TRHDE: variants seen among roughly 807,000 people sequenced by gnomAD.
TRHDE encodes the protein thyrotropin-releasing hormone-degrading ectoenzyme.
A neutral mutation model predicts 125.7 loss-of-function variants in TRHDE; 72 were observed. The ratio of observed to expected loss-of-function variants is 0.57; its 90% CI spans 0.47 to 0.70. The LOEUF is 0.70. TRHDE is among the 30% of genes least tolerant of loss of function. The pLI is 0.00. For missense variants in TRHDE, 1,110 were observed against 1,327.1 expected (o/e 0.84, Z 2.54); for synonymous variants, 509 against 509.1 (o/e 1.00, Z 0.00).
intron 5 of TRHDE, among the ~76,000 whole-genome samples, chr12:72,489,765 T>A (rs1359975244): frequency 6.6e-6 from 1 of 151,628 alleles, no homozygotes; most frequent in Admixed American, 6.6e-5. Flanking sequence ...CTTTAATACA[T>A]GGTGCTGAGA....
chr12:72,637,820 G>A (rs1282012689), intron 15 of TRHDE, among the ~76,000 whole-genome samples: 3 of 151,870 alleles, frequency 2.0e-5, no homozygotes, highest in Non-Finnish European at 4.4e-5. Flanking sequence ...GGTTTTGAGT[G>A]AGATTCTTAA....
chr12:72,441,276 A>G (rs1025174628), intron 3 of TRHDE, among the ~76,000 whole-genome samples: 7 of 151,880 alleles, frequency 4.6e-5, no homozygotes, highest in Non-Finnish European at 8.8e-5. Context: ...TTGCCTTTTT[A>G]TCATGGAAGT....
At chr12:72,502,487 C>T (rs940971571) in intron 6 of TRHDE, among the ~76,000 whole-genome samples, 7 of 151,956 alleles carry the variant, frequency 4.6e-5, no homozygotes, top group Non-Finnish European at 1.0e-4. Context: ...TTATTCATTT[C>T]TTATTTAATT....
intron 2 of TRHDE, among the ~76,000 whole-genome samples, chr12:72,195,032 G>A (rs1877411969): frequency 6.6e-6 from 1 of 152,048 alleles, no homozygotes; most frequent in African/African-American, 2.4e-5. Context: ...CAATCATGGT[G>A]GAAGGGGAAG....
At chr12:72,305,194 A>C (rs1868322001) in intron 2 of TRHDE, among the ~76,000 whole-genome samples, 1 of 152,204 alleles carries the variant, frequency 6.6e-6, no homozygotes, top group Non-Finnish European at 1.5e-5. Context: ...TTAAAATCCC[A>C]ACAGTAACAG....
chr12:72,383,865 A>G (rs1226281729), intron 3 of TRHDE, among the ~76,000 whole-genome samples: 1 of 152,092 alleles, frequency 6.6e-6, no homozygotes, highest in African/African-American at 2.4e-5. Flanking sequence ...GCTGAAATGG[A>G]TTCCAGAAAT....
At chr12:72,294,161 T>C (rs1456401293) in intron 2 of TRHDE, among the ~76,000 whole-genome samples, 1 of 152,138 alleles carries the variant, frequency 6.6e-6, no homozygotes, top group Non-Finnish European at 1.5e-5. Flanking sequence ...CTTCTTTCCT[T>C]CTCTTTTCCC....
chr12:72,509,892 A>G (rs967585648), intron 6 of TRHDE, among the ~76,000 whole-genome samples: 1 of 152,236 alleles, frequency 6.6e-6, no homozygotes, highest in African/African-American at 2.4e-5. Flanking sequence ...TTCAGAGGGA[A>G]AGATCCCATC....
chr12:72,206,743 G>A (rs11834244), intron 2 of TRHDE, among the ~76,000 whole-genome samples: 5,873 of 151,814 alleles, frequency 0.039, 248 homozygotes, highest in African/African-American at 0.099. Flanking sequence ...TTTTAAAAAA[G>A]AAAATTAATA....
intron 15 of TRHDE, among the ~76,000 whole-genome samples, chr12:72,622,295 TTTAA>T (rs1873085074): frequency 6.6e-6 from 1 of 152,112 alleles, no homozygotes; most frequent in South Asian, 2.1e-4. Flanking sequence ...GTTAAAATTG[TTTAA>T]TTAAATTACT....
chr12:72,307,176 T>G (rs1868354141), intron 2 of TRHDE, among the ~76,000 whole-genome samples: 1 of 152,072 alleles, frequency 6.6e-6, no homozygotes, highest in African/African-American at 2.4e-5. Flanking sequence ...TAGATGAGTT[T>G]TCCTCTGTCG....
In TRHDE at chr12:72,398,296, G is replaced by A. The variant is rs552386471; in HGVS notation, c.1315+20175G>A. On this transcript the variant is annotated intron_variant, in intron 3 of 18. Coordinates refer to ENST00000261180, the MANE Select transcript of TRHDE (RefSeq NM_013381.3). Reference sequence around the variant, plus strand: ...GTGAATAATGCTGCAATAAACATACGTGTGCATGTGTCTTTATAGCAGCAT... The same window carrying A: ...GTGAATAATGCTGCAATAAACATACATGTGCATGTGTCTTTATAGCAGCAT... Among the ~76,000 whole-genome samples the A allele has an allele frequency of 2.7e-4, 41 of 152,092 alleles. No homozygotes were observed. The East Asian group carries it at 4.2e-3, about 16-fold the overall frequency.
intron 3 of TRHDE, among the ~76,000 whole-genome samples, chr12:72,448,046 G>A (rs944070771): frequency 6.6e-6 from 1 of 152,010 alleles, no homozygotes; most frequent in African/African-American, 2.4e-5. Flanking sequence ...ATCAAAAATG[G>A]TGTTTCATAA....
intron 5 of TRHDE, among the ~76,000 whole-genome samples, chr12:72,489,212 G>A (rs1877547340): frequency 6.9e-6 from 1 of 145,552 alleles, no homozygotes; most frequent in Admixed American, 6.8e-5. Flanking sequence ...AAGACTTAGA[G>A]ATTTTTTTTG....
intron 6 of TRHDE, among the ~76,000 whole-genome samples, chr12:72,529,891 A>G (rs917922528): frequency 7.9e-5 from 12 of 152,142 alleles, no homozygotes; most frequent in African/African-American, 2.7e-4. Context: ...AAACAAATCA[A>G]TGTTCTTACG....
chr12:72,533,319 T>C (rs1248427312), intron 6 of TRHDE, among the ~76,000 whole-genome samples: 2 of 151,866 alleles, frequency 1.3e-5, no homozygotes. Flanking sequence ...GAACTACAGG[T>C]GTGCACCACC....
At chr12:72,457,129 A>G (rs191018501) in intron 3 of TRHDE, among the ~76,000 whole-genome samples, 89 of 152,288 alleles carry the variant, frequency 5.8e-4, no homozygotes, top group African/African-American at 2.1e-3. Context: ...TCTTCATGAC[A>G]TTGAATGACT....
At chr12:72,405,050 T>C (rs373158170) in intron 3 of TRHDE, among the ~76,000 whole-genome samples, 167 of 152,316 alleles carry the variant, frequency 1.1e-3, no homozygotes, top group African/African-American at 3.8e-3. Flanking sequence ...ACAGTATAAT[T>C]ATAATGATTA....
At chr12:72,554,144 G>A (rs1415482082) in intron 7 of TRHDE, among the ~76,000 whole-genome samples, 5 of 152,012 alleles carry the variant, frequency 3.3e-5, no homozygotes, top group South Asian at 4.1e-4. Context: ...CACCGCTCCC[G>A]GCCAAGTCCA....
Sources: gnomAD v4.1 joint callset for allele counts (sites outside exome capture counted in the v4.1 genomes callset) on GRCh38, gnomAD v4.1.1 for gene constraint, MANE v1.5 for transcripts, NCBI Gene and HGNC (gene_info 2026-07-23, HGNC 2026-07-21) for gene names.